POLE: variants seen among roughly 807,000 people sequenced by gnomAD.
POLE encodes DNA polymerase epsilon, catalytic subunit.
A neutral mutation model predicts 279.2 loss-of-function variants in POLE; 188 were observed. The ratio of observed to expected loss-of-function variants is 0.67; its 90% CI spans 0.60 to 0.76. The LOEUF (loss-of-function observed/expected upper bound fraction) is 0.76. POLE is among the 30% of genes least tolerant of loss of function. The pLI is 0.00. For missense variants in POLE, 2,703 were observed against 3,016.7 expected (o/e 0.90, Z 2.44); for synonymous variants, 1,214 against 1,172.5 (o/e 1.04, Z -0.72).
At chr12:132,646,140 T>G (rs530302666) in intron 32 of POLE, among the ~76,000 whole-genome samples, 1 of 152,210 alleles carries the variant, frequency 6.6e-6, no homozygotes, top group South Asian at 2.1e-4. Flanking sequence ...CCAGCCCAAT[T>G]TGGGATAATT....
rs2138529989 is a variant in POLE, at chr12:132,642,259, C to T, written c.5091G>A (p.Lys1697=). 2 of 1,611,706 alleles carry T rather than the reference C, an allele frequency of 1.2e-6. No homozygotes were observed. The highest frequency in any genetic ancestry group is 1.7e-6 in the Non-Finnish European group (2 of 1,178,892). The change falls in exon 38 of 49, where the codon AAG becomes AAA. Residue 1697 remains lysine (K), a synonymous_variant. Transcript: ENST00000320574. ...SPTARPDLGG[K]EADDNCLVME... is the part of the protein sequence containing the mutation. ...TGACAAGACAGTTGTCATCAGCCTC[C>T]TTTCCACCCAGGTCAGGGCGGGCTG...
chr12:132,665,222 G>A (rs2135960876), intron 21 of POLE, 80 bp downstream of exon 21: 1 of 1,420,944 alleles, frequency 7.0e-7, no homozygotes, highest in Non-Finnish European at 9.8e-7. Flanking sequence ...TCCATGCACA[G>A]CAGCCTACAC....
At chr12:132,648,840 G>T (rs2138594241) in intron 32 of POLE, 89 bp downstream of exon 32, 1 of 1,361,404 alleles carries the variant, frequency 7.3e-7, no homozygotes, top group Non-Finnish European at 1.0e-6. Context: ...AGGTACTGAG[G>T]AGATGGAGGC....
chr12:132,631,772 G>A (rs938508814), intron 45 of POLE, among the ~76,000 whole-genome samples: 3 of 152,168 alleles, frequency 2.0e-5, no homozygotes, highest in African/African-American at 4.8e-5. Flanking sequence ...CCTCCCAGCC[G>A]GTGGCACTGG....
rs200114024 is a variant in POLE, at chr12:132,649,826, C to G, written c.3646G>C (p.Gly1216Arg). Reference protein sequence around the residue: ...RPSAPDMEDFGLVKLPHPAAP... With the variant: ...RPSAPDMEDFRLVKLPHPAAP... ...GCTGGGTGAGGCAGCTTTACGAGGC[C>G]GAAGTCCTCCATGTCAGGAGCACTT... The change falls in exon 30 of 49, where the codon GGC becomes CGC. Residue 1216 changes from glycine (G) to arginine (R), a missense_variant. Gly to Arg is a moderately radical substitution (Grantham distance 125). This residue lies in a region of POLE where 1,551 missense variants were observed against 1,686.1 expected (regional missense o/e 0.92). Transcript: ENST00000320574. 1.2e-6 allele frequency: 2 copies of G among 1,614,120 alleles called. No individual in the cohort carries two copies. The highest frequency in any genetic ancestry group is 1.7e-6 in the Non-Finnish European group (2 of 1,180,024).
Position 132,668,785 on chromosome 12 carries a change from C to T in POLE, c.1923+26G>A. ...TAGGGCTGGGCAGAGAGAGCTCCGACTCTGACACGGGAAGTAAAGTCTCAC... is the reference window on the plus strand; with the variant it reads ...TAGGGCTGGGCAGAGAGAGCTCCGATTCTGACACGGGAAGTAAAGTCTCAC... On this transcript the variant is annotated intron_variant, in intron 17 of 48. Transcript: ENST00000320574. The surrounding 1 kb of genome is among the most constrained non-coding windows in gnomAD (Gnocchi z 4.0). 1 of 1,613,830 alleles carries T rather than the reference C, an allele frequency of 6.2e-7. No individual in the cohort carries two copies.
At chr12:132,625,219 C>T (rs1344157333) in intron 47 of POLE, 2 of 713,678 alleles carry the variant, frequency 2.8e-6, no homozygotes, top group Admixed American at 1.9e-5. Context: ...CCCCAGATGC[C>T]CAGTCCTGAG....
rs2042108621 is a variant in POLE at position 132,639,959 on chromosome 12, AAAC to A, written c.5379-664_5379-662del. The stretch of plus-strand genomic sequence containing the variant: ...GAGACTGTCTCAAAAAACAAAAACA[AAAC>A]AAAACAAAACAAAACAAAACAAAAC... On this transcript the variant is annotated intron_variant, in intron 39 of 48. Coordinates refer to ENST00000320574, the MANE Select transcript of POLE (RefSeq NM_006231.4). The surrounding 1 kb of genome is among the most constrained non-coding windows in gnomAD (Gnocchi z 4.7). Among the ~76,000 whole-genome samples, 1 of 52,676 alleles carries A rather than the reference AAAC, an allele frequency of 1.9e-5. No individual in the cohort carries two copies. The highest frequency in any genetic ancestry group is 3.1e-5 in the Non-Finnish European group (1 of 31,754). The allele number at this position is 52,676 out of a possible 152,430, so 34.6% of individuals were successfully genotyped here. A position where few individuals can be genotyped will look rare whatever the true frequency, so the allele number is the denominator to read the frequency against.
intron 19 of POLE, among the ~76,000 whole-genome samples, chr12:132,667,955 C>G (rs975889426): frequency 1.4e-4 from 21 of 152,062 alleles, no homozygotes; most frequent in African/African-American, 2.4e-4. Flanking sequence ...TGGTGGCGCA[C>G]ACCTGTAGTC....
chr12:132,663,365 C>CTGGA, intron 23 of POLE, among the ~76,000 whole-genome samples: 1 of 152,258 alleles, frequency 6.6e-6, no homozygotes, highest in Admixed American at 6.5e-5. Context: ...CAAACCAACA[C>CTGGA]GATGCGTGTG....
chr12:132,669,086 G>A lies in POLE; in HGVS notation c.1795-147C>T, dbSNP rs568421031. 6 of 668,402 alleles carry A rather than the reference G, an allele frequency of 9.0e-6. No homozygotes were observed. In the East Asian group the frequency reaches 1.8e-4, roughly 20 times the overall value. The allele number at this position is 668,402 out of a possible 1,614,324, so 41.4% of individuals were successfully genotyped here. A position where few individuals can be genotyped will look rare whatever the true frequency, so the allele number is the denominator to read the frequency against. ...CTAGCCAGAAGAAAAAAGTTAAGAA[G>A]GGTTGCCATCATTTCTATGAAATAC... is the stretch of plus-strand genomic sequence containing the variant. On this transcript the variant is annotated intron_variant, in intron 16 of 48. Coordinates refer to ENST00000320574, the MANE Select transcript of POLE (RefSeq NM_006231.4).
In POLE at chr12:132,624,977, G is replaced by C. The variant is rs149973644; in HGVS notation, c.6675C>G (p.Arg2225=). The change falls in exon 48 of 49, where the codon CGC becomes CGG. Residue 2225 remains arginine, a synonymous_variant. Transcript: ENST00000320574. ...CAGGCATGCTGGTCTCCTTCACCCC[G>C]CGGCACTTCAGGCAGACCTGAAAGG... ...TLQDLVCLKC[R]GVKETSMPVY... 5 of 1,613,806 alleles carry C rather than the reference G, an allele frequency of 3.1e-6. No individual in the cohort carries two copies. Among genetic ancestry groups the C allele is most frequent in the Non-Finnish European group, 4.2e-6 (5 of 1,179,900 alleles).
Position 132,634,514 on chromosome 12 carries a change from T to A in POLE, c.5812-136A>T. On this transcript the variant is annotated intron_variant, in intron 42 of 48. Coordinates refer to ENST00000320574, the MANE Select transcript of POLE (RefSeq NM_006231.4). This position sits in a 1 kb window ranked among gnomAD's most constrained non-coding sequence, Gnocchi z 4.0. ...AGAGGCCTTCCTCGCAGTCAAGGCA[T>A]CCCCTGGAGCCTGCGTGAATCCCCC... The A allele has an allele frequency of 1.2e-6, 1 of 835,394 alleles. No individual in the cohort carries two copies. Among genetic ancestry groups the A allele is most frequent in the Non-Finnish European group, 1.9e-6 (1 of 521,794 alleles). The allele number at this position is 835,394 out of a possible 1,614,324, so 51.7% of individuals were successfully genotyped here.
rs2138610768 is a variant in POLE at position 132,649,532 on chromosome 12, G to A, written c.3796-17C>T. ...CCATTCCTCCTGGGATGGATGGTGA[G>A]CACAGCCAGTGTGCAAGTGGTGAGA... is the stretch of plus-strand genomic sequence containing the variant. On this transcript the variant is annotated splice_polypyrimidine_tract_variant and intron_variant, in intron 30 of 48. Coordinates refer to ENST00000320574, the MANE Select transcript of POLE (RefSeq NM_006231.4). 2 of 1,610,556 alleles carry A rather than the reference G, an allele frequency of 1.2e-6. No homozygotes were observed. Among genetic ancestry groups the A allele is most frequent in the Non-Finnish European group, 1.7e-6 (2 of 1,178,598 alleles).
intron 41 of POLE, 53 bp downstream of exon 41, chr12:132,637,961 T>C (rs2042066792): frequency 1.3e-6 from 2 of 1,599,202 alleles, no homozygotes; most frequent in Non-Finnish European, 1.7e-6. Context: ...GGGGTCATTT[T>C]AGCATCCCTC....
intron 25 of POLE, 156 bp from the exon 26 acceptor site, chr12:132,659,665 T>C: frequency 6.5e-6 from 4 of 616,224 alleles, no homozygotes; most frequent in Non-Finnish European, 1.1e-5. Context: ...GGCAATACTT[T>C]AAAACATACA....
intron 23 of POLE, 135 bp downstream of exon 23, chr12:132,663,869 A>T (rs1460632622): frequency 4.9e-6 from 4 of 820,168 alleles, no homozygotes; most frequent in Non-Finnish European, 7.7e-6. Context: ...CATGGTCTTC[A>T]GGCTATAGAA....
chr12:132,673,853 T>C, intron 12 of POLE, 146 bp from the exon 13 acceptor site: 5 of 831,138 alleles, frequency 6.0e-6, no homozygotes, highest in Non-Finnish European at 5.8e-6. Flanking sequence ...CCACATGGTG[T>C]AGACACCTTG....
intron 29 of POLE, chr12:132,650,322 T>C (rs1229908182): frequency 5.5e-6 from 1 of 183,444 alleles, no homozygotes; most frequent in Non-Finnish European, 1.1e-5. Flanking sequence ...TATTGAACCT[T>C]TAATAGTGAA....
Sources: gnomAD v4.1 joint callset for allele counts (sites outside exome capture counted in the v4.1 genomes callset) on GRCh38, gnomAD v4.1.1 for gene constraint, gnomAD v4.1.1 regional missense constraint, Gnocchi (gnomAD v3.1) non-coding constraint, MANE v1.5 for transcripts, NCBI Gene and HGNC (gene_info 2026-07-23, HGNC 2026-07-21) for gene names.